Variants in TBL1Y observed in about 807,000 individuals in gnomAD.
TBL1Y encodes transducin beta like 1 Y-linked.
A neutral mutation model predicts 12.0 loss-of-function variants in TBL1Y; 15 were observed. The ratio of observed to expected loss-of-function variants is 1.25; its 90% CI spans 0.83 to 1.92. TBL1Y has a LOEUF of 1.92. Ranked by LOEUF, TBL1Y falls within the 40% of genes most tolerant of loss-of-function variation. TBL1Y has a pLI of 0.00. For synonymous variants in TBL1Y, 53 were observed against 42.6 expected, an observed-to-expected ratio of 1.24 and a Z score of -0.95; for missense variants, 148 against 116.7, an observed-to-expected ratio of 1.27 and a Z score of -1.24.
chrY:6,938,746 G>C (rs998260202), intron 2 of TBL1Y, among the ~76,000 whole-genome samples: 3 of 33,610 alleles, frequency 8.9e-5, no homozygotes, highest in African/African-American at 3.5e-4. Flanking sequence ...GATGTGTCCA[G>C]AGTTTGTTCC....
chrY:7,026,152 ATGT>A (rs2012622967), intron 6 of TBL1Y, among the ~76,000 whole-genome samples: 1 of 33,581 alleles, frequency 3.0e-5, no homozygotes, highest in Non-Finnish European at 7.4e-5. Context: ...GGCACGTAAC[ATGT>A]TGTAAATAAG....
intron 2 of TBL1Y, among the ~76,000 whole-genome samples, chrY:6,945,057 T>G (rs2011975826): frequency 3.3e-5 from 1 of 29,891 alleles, no homozygotes; most frequent in South Asian, 8.7e-4. Flanking sequence ...TTCTTTACCA[T>G]TTTTCCCTTC....
In TBL1Y at chrY:6,910,970, T is replaced by G; in HGVS notation, c.-363T>G. The G allele has an allele frequency of 2.7e-5, 1 of 37,228 alleles. No individual in the cohort carries two copies. Among genetic ancestry groups the G allele is most frequent in the African/African-American group, 1.1e-4 (1 of 8,995 alleles). 9.3% of individuals were successfully genotyped at this position (37,228 alleles called of 400,897 possible). ...GTACGCGCCGCCGCCACAGTTGCGC[T>G]GCTAGCGACGAGGTGAGTGCTAGGT... On this transcript the variant is annotated 5_prime_UTR_variant, in exon 1 of 19. Transcript: ENST00000383032.
intron 12 of TBL1Y, among the ~76,000 whole-genome samples, chrY:7,072,246 G>A: frequency 3.0e-5 from 1 of 33,197 alleles, no homozygotes; most frequent in Non-Finnish European, 7.4e-5. Context: ...GATCTCTTAG[G>A]CTTTGTGCTT....
intron 2 of TBL1Y, among the ~76,000 whole-genome samples, chrY:6,931,488 C>T (rs2011865597): frequency 5.8e-5 from 2 of 34,250 alleles, no homozygotes; most frequent in East Asian, 7.7e-4. Flanking sequence ...AGTAACTTCT[C>T]ATTAGGAAAA....
chrY:7,032,804 A>G, intron 6 of TBL1Y, among the ~76,000 whole-genome samples: 1 of 33,612 alleles, frequency 3.0e-5, no homozygotes, highest in Non-Finnish European at 7.3e-5. Context: ...CTCATAACAT[A>G]CCAGAATCTC....
intron 2 of TBL1Y, among the ~76,000 whole-genome samples, chrY:6,974,196 G>C (rs2012224191): frequency 3.0e-5 from 1 of 33,770 alleles, no homozygotes; most frequent in East Asian, 7.9e-4. Flanking sequence ...CAACAGTGGA[G>C]GACAAAGCAT....
chrY:7,011,761 A>G, intron 4 of TBL1Y, among the ~76,000 whole-genome samples: 6 of 34,044 alleles, frequency 1.8e-4, no homozygotes, highest in African/African-American at 6.9e-4. Context: ...ATGCATTACG[A>G]GTGCGCAGCT....
intron 6 of TBL1Y, among the ~76,000 whole-genome samples, chrY:7,041,709 G>T: frequency 1.5e-4 from 5 of 33,073 alleles, no homozygotes; most frequent in Non-Finnish European, 3.7e-4. Flanking sequence ...TGCCAGCTAG[G>T]GTTGCCTGTA....
intron 2 of TBL1Y, among the ~76,000 whole-genome samples, chrY:6,966,782 G>A: frequency 6.0e-5 from 2 of 33,300 alleles, no homozygotes; most frequent in Non-Finnish European, 1.5e-4. Context: ...TACTGGTTGT[G>A]TAGTTTTTCA....
intron 2 of TBL1Y, among the ~76,000 whole-genome samples, chrY:6,931,904 C>G: frequency 5.9e-5 from 2 of 33,666 alleles, no homozygotes; most frequent in African/African-American, 2.3e-4. Flanking sequence ...GAGGACCAAG[C>G]CTGGGGATCA....
chrY:7,087,427 A>G lies in TBL1Y; in HGVS notation c.1441A>G (p.Thr481Ala). The G allele has an allele frequency of 2.5e-6, 1 of 395,272 alleles. No homozygotes were observed. ...TGACAAGTATGTTCATATCTGGAAT[A>G]CTCAGGTAAGCTCCTGACCCATACG... is the stretch of plus-strand genomic sequence containing the variant. ...SFDKYVHIWN[T>A]QSGSLVHSYQ... Residue 481 changes from threonine (T) to alanine (A), a missense_variant, in exon 17 of 19, where the codon ACT becomes GCT. Coordinates refer to ENST00000383032, the MANE Select transcript of TBL1Y (RefSeq NM_033284.2).
rs775214734 is a variant in TBL1Y, at chrY:7,001,491, C to T, written c.-140+5593C>T. Among the ~76,000 whole-genome samples, 26 of 32,300 alleles carry T rather than the reference C, an allele frequency of 8.0e-4. No individual in the cohort carries two copies. The East Asian group carries it at 0.021, about 26-fold the overall frequency. The allele number at this position is 32,300 out of a possible 37,273, so 86.7% of individuals were successfully genotyped here. ...AAAATTAGCTGGGCATGGTGGCAGG[C>T]GCCTGTAGTCCCAGCTACTCAGGAG... On this transcript the variant is annotated intron_variant, in intron 4 of 18. Coordinates refer to ENST00000383032, the MANE Select transcript of TBL1Y (RefSeq NM_033284.2).
chrY:6,990,716 G>T, intron 3 of TBL1Y, among the ~76,000 whole-genome samples: 1 of 30,520 alleles, frequency 3.3e-5, no homozygotes, highest in Non-Finnish European at 7.8e-5. Context: ...CCACCACCAC[G>T]CCTGGCTAAT....
intron 2 of TBL1Y, among the ~76,000 whole-genome samples, chrY:6,926,112 G>A (rs2124096404): frequency 5.8e-5 from 2 of 34,191 alleles, no homozygotes; most frequent in East Asian, 1.5e-3. Context: ...AGATTTATTG[G>A]TGTGCAGGGA....
intron 2 of TBL1Y, among the ~76,000 whole-genome samples, chrY:6,958,756 C>T (rs2012089310): frequency 2.9e-5 from 1 of 34,091 alleles, no homozygotes; most frequent in Non-Finnish European, 7.3e-5. Flanking sequence ...TCCACCCAAA[C>T]ATCTCAGCAG....
chrY:6,927,935 C>T, intron 2 of TBL1Y, among the ~76,000 whole-genome samples: 2 of 32,695 alleles, frequency 6.1e-5, no homozygotes, highest in East Asian at 1.6e-3. Flanking sequence ...GTTGCTGCTA[C>T]GTTACTGGTG....
At chrY:6,980,081 G>C in intron 3 of TBL1Y, among the ~76,000 whole-genome samples, 2 of 33,215 alleles carry the variant, frequency 6.0e-5, no homozygotes, top group African/African-American at 1.2e-4. Context: ...CTCCCACCAA[G>C]TCCCACCTCC....
At chrY:6,929,716 G>A in intron 2 of TBL1Y, among the ~76,000 whole-genome samples, 3 of 33,310 alleles carry the variant, frequency 9.0e-5, no homozygotes, top group Non-Finnish European at 2.2e-4. Context: ...ATGGGCCGCC[G>A]CTACCATCAC....
Sources: gnomAD v4.1 joint callset for allele counts (sites outside exome capture counted in the v4.1 genomes callset) on GRCh38, gnomAD v4.1.1 for gene constraint, MANE v1.5 for transcripts, NCBI Gene and HGNC (gene_info 2026-07-23, HGNC 2026-07-21) for gene names.